Variants in UGT2B7 observed in about 807,000 individuals in gnomAD.
UGT2B7 encodes the protein UDP-glucuronosyltransferase 2B7.
UGT2B7 carries 51 observed loss-of-function variants against 51.9 expected under a neutral mutation model. That is an observed-to-expected ratio of 0.98 (90% CI 0.78 to 1.24). UGT2B7 has a LOEUF of 1.24. Among genes scored for constraint, UGT2B7 ranks in the 50% most tolerant of loss-of-function variants. The pLI is 0.00. For missense variants in UGT2B7, 727 were observed against 628.4 expected (o/e 1.16, Z -1.68); for synonymous variants, 225 against 211.6 (o/e 1.06, Z -0.55).
chr4:69,096,839 T>C lies in UGT2B7; in HGVS notation c.319T>C (p.Leu107=), dbSNP rs767454107. Residue 107 remains leucine (L), a synonymous_variant, in exon 1 of 6, where the codon TTA becomes CTA. Transcript: ENST00000305231. ...WSDLPKDTFW[L]YFSQVQEIMS... is the part of the protein sequence containing the mutation. ...AGACCTTCCAAAAGATACATTTTGG[T>C]TATATTTTTCACAAGTACAGGAAAT... 1 of 1,613,766 alleles carries C rather than the reference T, an allele frequency of 6.2e-7. No individual in the cohort carries two copies.
chr4:69,065,531 T>C (rs1373777196), intron 1 of UGT2B7, among the ~76,000 whole-genome samples: 1 of 152,184 alleles, frequency 6.6e-6, no homozygotes, highest in African/African-American at 2.4e-5. Flanking sequence ...TTTCCAGTGG[T>C]AGTAAATGTG....
chr4:69,105,138 C>CAA (rs1719554853), intron 3 of UGT2B7, among the ~76,000 whole-genome samples: 1 of 152,050 alleles, frequency 6.6e-6, no homozygotes, highest in African/African-American at 2.4e-5. Context: ...TGTGGCCCCA[C>CAA]AAGGACTCTG....
At chr4:69,091,400 T>G (rs1204916951) in intron 2 of UGT2B7, among the ~76,000 whole-genome samples, 1 of 147,416 alleles carries the variant, frequency 6.8e-6, no homozygotes, top group Non-Finnish European at 1.5e-5. Context: ...AAGATTTTGT[T>G]TTTTTTTTCT....
chr4:69,069,148 C>T (rs1208835707), intron 1 of UGT2B7, among the ~76,000 whole-genome samples: 1 of 149,962 alleles, frequency 6.7e-6, no homozygotes, highest in Non-Finnish European at 1.5e-5. Flanking sequence ...AGGATTCAAA[C>T]TAAGGCCATC....
At chr4:69,069,661 T>G (rs1251007585) in intron 1 of UGT2B7, 1 of 151,824 alleles carries the variant, frequency 6.6e-6, no homozygotes, top group Non-Finnish European at 1.5e-5. Context: ...AAATGTAATG[T>G]AGTTATCAAT....
intron 1 of UGT2B7, among the ~76,000 whole-genome samples, chr4:69,057,042 T>C (rs1490803152): frequency 2.0e-5 from 3 of 152,226 alleles, no homozygotes; most frequent in African/African-American, 7.2e-5. Flanking sequence ...GAAACTGATG[T>C]TATTCATAAA....
intron 2 of UGT2B7, among the ~76,000 whole-genome samples, chr4:69,102,478 G>A (rs544003322): frequency 3.3e-5 from 5 of 152,200 alleles, no homozygotes; most frequent in Middle Eastern, 3.4e-3. Context: ...CTTTAGTATT[G>A]TAAGAGAAGA....
intron 1 of UGT2B7, among the ~76,000 whole-genome samples, chr4:69,055,773 C>T (rs1053785219): frequency 6.6e-6 from 1 of 152,146 alleles, no homozygotes; most frequent in Non-Finnish European, 1.5e-5. Flanking sequence ...TCACCCTGAT[C>T]ATCTCTAGGT....
At chr4:69,110,422 C>T (rs539643453) in intron 5 of UGT2B7, among the ~76,000 whole-genome samples, 15 of 151,996 alleles carry the variant, frequency 9.9e-5, no homozygotes, top group African/African-American at 3.6e-4. Flanking sequence ...AATTCTACTC[C>T]CAGTTATATA....
chr4:69,086,424 G>C (rs1365665200), intron 1 of UGT2B7, among the ~76,000 whole-genome samples: 1 of 151,770 alleles, frequency 6.6e-6, no homozygotes, highest in Non-Finnish European at 1.5e-5. Flanking sequence ...TGTTTCATGT[G>C]CTATTGAGAA....
Position 69,080,377 on chromosome 4 carries a change from G to A in UGT2B7, c.-158-9095G>A, listed in dbSNP as rs114130395. 3.1e-3 allele frequency among the ~76,000 whole-genome samples: 464 copies of A among 151,784 alleles called. 1 individual carries two copies. The highest frequency in any genetic ancestry group is 8.1e-3 in the African/African-American group (334 of 41,378). ...AGACTGGACAATGCGGTAAAACTCC[G>A]TCCCTGCTAAAAATACAAAAATTAG... On this transcript the variant is annotated intron_variant, in intron 1 of 5. Coordinates refer to the UGT2B7 transcript ENST00000502942.
intron 3 of UGT2B7, 128 bp downstream of exon 3, chr4:69,103,066 A>G: frequency 6.8e-7 from 1 of 1,477,638 alleles, no homozygotes; most frequent in Non-Finnish European, 9.0e-7. Context: ...GAACAAGGAT[A>G]ATCTTGGAGA....
chr4:69,081,738 T>A (rs1290144375), intron 1 of UGT2B7, among the ~76,000 whole-genome samples: 4 of 152,122 alleles, frequency 2.6e-5, no homozygotes, highest in Admixed American at 2.6e-4. Context: ...CTTTTTCTGA[T>A]TGCTCCATAG....
At chr4:69,076,557 G>A (rs191706200) in intron 1 of UGT2B7, among the ~76,000 whole-genome samples, 11 of 152,208 alleles carry the variant, frequency 7.2e-5, no homozygotes, top group Admixed American at 3.3e-4. Flanking sequence ...TTTTTCATAT[G>A]TTTGTTGGCT....
At chr4:69,063,283 T>G (rs1437779348) in intron 1 of UGT2B7, among the ~76,000 whole-genome samples, 1 of 124,076 alleles carries the variant, frequency 8.1e-6, no homozygotes, top group African/African-American at 3.2e-5. Context: ...CGTGCCACTG[T>G]ACTCCAGCCT....
chr4:69,091,352 G>A (rs1233857803), intron 2 of UGT2B7, among the ~76,000 whole-genome samples: 4 of 151,108 alleles, frequency 2.6e-5, no homozygotes, highest in South Asian at 2.1e-4. Flanking sequence ...GAAAGAAAGT[G>A]TGTGTATGTT....
At chr4:69,093,077 G>T (rs576847333), upstream of UGT2B7, among the ~76,000 whole-genome samples, 2 of 152,186 alleles carry the variant, frequency 1.3e-5, no homozygotes, top group South Asian at 2.1e-4. Flanking sequence ...AAACAGCAAA[G>T]ATGGCGGCCC....
intron 1 of UGT2B7, among the ~76,000 whole-genome samples, chr4:69,088,524 C>T (rs569805299): frequency 3.6e-4 from 55 of 152,162 alleles, no homozygotes; most frequent in Non-Finnish European, 7.9e-4. Context: ...ATAACTGGAG[C>T]TTAATCTCAA....
chr4:69,111,426 C>T lies in UGT2B7; in HGVS notation c.1311-1031C>T, dbSNP rs537843787. Among the ~76,000 whole-genome samples the T allele has an allele frequency of 1.1e-3, 165 of 152,186 alleles. 2 individuals are homozygous for T. Among genetic ancestry groups the T allele is most frequent in the South Asian group, 2.5e-3 (12 of 4,812 alleles). On this transcript the variant is annotated intron_variant, in intron 5 of 5. Coordinates refer to ENST00000305231, the MANE Select transcript of UGT2B7 (RefSeq NM_001074.4). ...AAGCAAAGTGACTAGCTATGAGGCACGTCACTCACCATGACACAATTACTT... is the reference window on the plus strand; with the variant it reads ...AAGCAAAGTGACTAGCTATGAGGCATGTCACTCACCATGACACAATTACTT...
Sources: allele counts gnomAD v4.1 joint callset (sites outside exome capture counted in the v4.1 genomes callset), GRCh38; gene constraint gnomAD v4.1.1; transcripts MANE v1.5; gene names NCBI Gene and HGNC (gene_info 2026-07-23, HGNC 2026-07-21).